Variants in PTPRK observed in about 807,000 individuals in gnomAD.
The protein encoded by PTPRK is receptor-type tyrosine-protein phosphatase kappa.
PTPRK carries 75 observed loss-of-function variants against 178.0 expected under a neutral mutation model. The ratio of observed to expected loss-of-function variants is 0.42; its 90% CI spans 0.35 to 0.51. The LOEUF (loss-of-function observed/expected upper bound fraction) is 0.51. PTPRK is among the 20% of genes least tolerant of loss of function. PTPRK has a pLI of 0.02. For missense variants in PTPRK, 1,441 were observed against 1,797.8 expected, an observed-to-expected ratio of 0.80 and a Z score of 3.59; for synonymous variants, 637 against 620.6, an observed-to-expected ratio of 1.03 and a Z score of -0.39.
chr6:128,473,749 G>C (rs1230705085), intron 1 of PTPRK, among the ~76,000 whole-genome samples: 3 of 152,066 alleles, frequency 2.0e-5, no homozygotes, highest in South Asian at 4.1e-4. Flanking sequence ...ATGTTCTGAA[G>C]ACTCAGATAA....
At chr6:128,511,926 G>C (rs999153353) in intron 1 of PTPRK, among the ~76,000 whole-genome samples, 1 of 152,106 alleles carries the variant, frequency 6.6e-6, no homozygotes, top group African/African-American at 2.4e-5. Context: ...GCAGGTCATG[G>C]GCTCTCAGTA....
chr6:128,464,061 T>C (rs904028814), intron 1 of PTPRK, among the ~76,000 whole-genome samples: 1 of 152,134 alleles, frequency 6.6e-6, no homozygotes, highest in African/African-American at 2.4e-5. Flanking sequence ...GGCCAAACTT[T>C]ACTTTTAAAT....
chr6:128,224,049 A>T (rs1583561586), intron 5 of PTPRK, among the ~76,000 whole-genome samples: 1 of 152,210 alleles, frequency 6.6e-6, no homozygotes, highest in East Asian at 1.9e-4. Context: ...AAATTCTAGA[A>T]GTCAAAAATA....
intron 3 of PTPRK, among the ~76,000 whole-genome samples, chr6:128,253,860 T>G (rs762944009): frequency 1.3e-5 from 2 of 152,188 alleles, no homozygotes; most frequent in Non-Finnish European, 2.9e-5. Flanking sequence ...AGTATGCACT[T>G]ACAAAGAAAA....
chr6:128,303,001 A>G (rs1825867849), intron 3 of PTPRK, among the ~76,000 whole-genome samples: 2 of 152,026 alleles, frequency 1.3e-5, no homozygotes, highest in South Asian at 2.1e-4. Flanking sequence ...CTCCTCTCAA[A>G]TAACTTATGT....
At chr6:128,508,421 A>G (rs1001722321) in intron 1 of PTPRK, among the ~76,000 whole-genome samples, 4 of 152,360 alleles carry the variant, frequency 2.6e-5, no homozygotes, top group African/African-American at 9.6e-5. Flanking sequence ...AGCATGTTCT[A>G]GCTTATCACG....
At chr6:128,326,316 A>G (rs959652712) in intron 2 of PTPRK, among the ~76,000 whole-genome samples, 2 of 152,198 alleles carry the variant, frequency 1.3e-5, no homozygotes, top group Non-Finnish European at 2.9e-5. Flanking sequence ...ATTTTAAAAA[A>G]AGAGATACAT....
intron 2 of PTPRK, among the ~76,000 whole-genome samples, chr6:128,353,517 A>G (rs921063195): frequency 3.3e-5 from 5 of 152,252 alleles, no homozygotes; most frequent in African/African-American, 9.6e-5. Flanking sequence ...AATACTATTC[A>G]GCAGAATAAA....
At chr6:128,194,075 ATTAT>A (rs1320165241) in intron 6 of PTPRK, among the ~76,000 whole-genome samples, 1 of 145,458 alleles carries the variant, frequency 6.9e-6, no homozygotes, top group Non-Finnish European at 1.5e-5. Context: ...TATTATTATT[ATTAT>A]TATTATTATT....
chr6:128,336,733 C>T (rs575871172), intron 2 of PTPRK, among the ~76,000 whole-genome samples: 2 of 152,254 alleles, frequency 1.3e-5, no homozygotes, highest in East Asian at 3.9e-4. Flanking sequence ...GTTTCTGTAA[C>T]TAAACAAACA....
rs1858722003 is a variant in PTPRK at position 128,519,755 on chromosome 6, G to T, written c.100+504C>A. Among the ~76,000 whole-genome samples, 2 of 152,232 alleles carry T rather than the reference G, an allele frequency of 1.3e-5. No individual in the cohort carries two copies. The highest frequency in any genetic ancestry group is 4.8e-5 in the African/African-American group (2 of 41,466). On this transcript the variant is annotated intron_variant, in intron 1 of 29. Coordinates refer to ENST00000368226, the MANE Select transcript of PTPRK (RefSeq NM_002844.4). This position sits in a 1 kb window ranked among gnomAD's most constrained non-coding sequence, Gnocchi z 4.3. The stretch of plus-strand genomic sequence containing the variant: ...AAAAGGGGACTCCGGGAGGGACGGG[G>T]AAGTAGTTAGACAATAGTCAGGGGA...
intron 2 of PTPRK, among the ~76,000 whole-genome samples, chr6:128,394,070 A>G (rs2128366594): frequency 6.6e-6 from 1 of 152,270 alleles, no homozygotes; most frequent in Non-Finnish European, 1.5e-5. Flanking sequence ...AATATCATTG[A>G]TTAGTTTTGC....
At position 128,348,159 on chromosome 6, in the gene PTPRK, T is replaced by C. The variant is rs547620612; in HGVS notation, c.224-25849A>G. Among the ~76,000 whole-genome samples the C allele has an allele frequency of 9.9e-5, 15 of 152,184 alleles. No individual in the cohort carries two copies. The East Asian group carries it at 2.7e-3, about 27-fold the overall frequency. On this transcript the variant is annotated intron_variant, in intron 2 of 29. Coordinates refer to ENST00000368226, the MANE Select transcript of PTPRK (RefSeq NM_002844.4). ...TTATTACAGAAACATGAAATGAGGCTACATTATTTCCAAGTACATACTTAT... is the reference window on the plus strand; with the variant it reads ...TTATTACAGAAACATGAAATGAGGCCACATTATTTCCAAGTACATACTTAT...
chr6:128,474,172 AG>A, intron 1 of PTPRK, among the ~76,000 whole-genome samples: 1 of 148,484 alleles, frequency 6.7e-6, no homozygotes, highest in East Asian at 1.9e-4. Context: ...GCAGGATGGT[AG>A]GGGAAAACAA....
chr6:128,320,499 A>G (rs1412413607), intron 3 of PTPRK, among the ~76,000 whole-genome samples: 1 of 152,190 alleles, frequency 6.6e-6, no homozygotes, highest in Admixed American at 6.6e-5. Flanking sequence ...TCTACACAGG[A>G]AACAAGTTGT....
At chr6:128,445,427 A>G (rs907453362) in intron 1 of PTPRK, among the ~76,000 whole-genome samples, 2 of 149,646 alleles carry the variant, frequency 1.3e-5, no homozygotes, top group African/African-American at 2.4e-5. Flanking sequence ...AGCTTTAGGC[A>G]TCATCTATTG....
chr6:128,078,442 A>G (rs951558224), intron 11 of PTPRK, among the ~76,000 whole-genome samples: 11 of 152,008 alleles, frequency 7.2e-5, no homozygotes, highest in Non-Finnish European at 1.2e-4. Context: ...CAGTAAAAGA[A>G]AAACTACCCC....
At chr6:128,252,368 G>C (rs1816599219) in intron 3 of PTPRK, among the ~76,000 whole-genome samples, 1 of 152,140 alleles carries the variant, frequency 6.6e-6, no homozygotes, top group Non-Finnish European at 1.5e-5. Flanking sequence ...CTGCATTCCT[G>C]AAATCTTGCA....
chr6:128,281,526 C>G (rs1429485110), intron 3 of PTPRK, among the ~76,000 whole-genome samples: 1 of 152,080 alleles, frequency 6.6e-6, no homozygotes, highest in Non-Finnish European at 1.5e-5. Flanking sequence ...TTTTATCACC[C>G]TATTCTCTGT....
Sources: allele counts gnomAD v4.1 joint callset (sites outside exome capture counted in the v4.1 genomes callset), GRCh38; gene constraint gnomAD v4.1.1; non-coding constraint Gnocchi (gnomAD v3.1); transcripts MANE v1.5; gene names NCBI Gene and HGNC (gene_info 2026-07-23, HGNC 2026-07-21).